The following LEMD1 variants were observed in gnomAD, a reference collection of about 807,000 sequenced individuals.
LEMD1 encodes LEM domain containing 1, also known as LEM domain-containing protein 1.
LEMD1 carries 18 observed loss-of-function variants against 17.4 expected under a neutral mutation model. The ratio of observed to expected loss-of-function variants is 1.04; its 90% CI spans 0.72 to 1.54. The LOEUF (loss-of-function observed/expected upper bound fraction) is 1.54. Among genes scored for constraint, LEMD1 ranks in the 40% most tolerant of loss-of-function variants. LEMD1 has a pLI of 0.00. For missense variants in LEMD1, 195 were observed against 210.4 expected (o/e 0.93, Z 0.45); for synonymous variants, 88 against 77.8 (o/e 1.13, Z -0.69).
At chr1:205,428,422 T>C (rs1003316633) in intron 1 of LEMD1, among the ~76,000 whole-genome samples, 2 of 152,156 alleles carry the variant, frequency 1.3e-5, no homozygotes, top group African/African-American at 4.8e-5. Flanking sequence ...CAACAACTAT[T>C]TCCTGAACCC....
At chr1:205,395,158 T>C (rs186075624) in intron 4 of LEMD1, among the ~76,000 whole-genome samples, 2 of 152,176 alleles carry the variant, frequency 1.3e-5, no homozygotes, top group African/African-American at 4.8e-5. Flanking sequence ...TGCAGTTGGA[T>C]CTGAAATAGG....
At chr1:205,410,071 C>T (rs1248466600) in intron 4 of LEMD1, among the ~76,000 whole-genome samples, 1 of 151,746 alleles carries the variant, frequency 6.6e-6, no homozygotes, top group South Asian at 2.1e-4. Flanking sequence ...CCACCGTGCC[C>T]AGCCCCCAGT....
chr1:205,420,421 C>T (rs567865869), intron 2 of LEMD1, 34 bp downstream of exon 2: 12 of 1,492,012 alleles, frequency 8.0e-6, no homozygotes, highest in Middle Eastern at 1.7e-4. Context: ...CCATAAATGA[C>T]AAGTCTGTAA....
chr1:205,401,435 C>A (rs1664847508), intron 4 of LEMD1, among the ~76,000 whole-genome samples: 1 of 149,002 alleles, frequency 6.7e-6, no homozygotes, highest in South Asian at 2.1e-4. Flanking sequence ...ATTTGCATTT[C>A]TCTGATGGCC....
chr1:205,428,602 A>G (rs1300701257), intron 1 of LEMD1, among the ~76,000 whole-genome samples: 4 of 152,196 alleles, frequency 2.6e-5, no homozygotes, highest in Non-Finnish European at 4.4e-5. Context: ...CTGATGTGAC[A>G]GGGAAAGGCT....
rs1230583287 is a variant in LEMD1 at position 205,441,749 on chromosome 1, T to C, written c.-39+8119A>G. Among the ~76,000 whole-genome samples the C allele has an allele frequency of 1.3e-5, 2 of 152,196 alleles. No homozygotes were observed. Among genetic ancestry groups the C allele is most frequent in the Non-Finnish European group, 2.9e-5 (2 of 68,036 alleles). On this transcript the variant is annotated intron_variant, in intron 1 of 3. Transcript: ENST00000367154. This position sits in a 1 kb window ranked among gnomAD's most constrained non-coding sequence, Gnocchi z 4.3. ...AACAGGCTCTTTTATTTAGCACCTA[T>C]GCTGGGCAAAGGGTTGAGAGGTAGA...
chr1:205,383,342 A>T (rs549564204), intron 5 of LEMD1, among the ~76,000 whole-genome samples: 11 of 152,178 alleles, frequency 7.2e-5, no homozygotes, highest in African/African-American at 2.6e-4. Flanking sequence ...TGATCCTCCT[A>T]CCTCAGCCTC....
chr1:205,392,108 C>G (rs1001331514), intron 4 of LEMD1, among the ~76,000 whole-genome samples: 1 of 151,806 alleles, frequency 6.6e-6, no homozygotes, highest in Non-Finnish European at 1.5e-5. Flanking sequence ...GAGACTCTGT[C>G]TCAAGAAAAA....
chr1:205,391,450 C>T (rs974035523), intron 4 of LEMD1, among the ~76,000 whole-genome samples: 1 of 151,904 alleles, frequency 6.6e-6, no homozygotes, highest in Non-Finnish European at 1.5e-5. Context: ...AAAAAAAGCT[C>T]CCGGAAAAGC....
intron 1 of LEMD1, among the ~76,000 whole-genome samples, chr1:205,438,790 T>G (rs1046437417): frequency 2.0e-5 from 3 of 151,936 alleles, no homozygotes; most frequent in African/African-American, 4.8e-5. Context: ...GCTCAAGATA[T>G]CTAGTATCCC....
At chr1:205,423,442 G>A (rs1040701859), upstream of LEMD1, among the ~76,000 whole-genome samples, 1 of 152,202 alleles carries the variant, frequency 6.6e-6, no homozygotes, top group Non-Finnish European at 1.5e-5. Flanking sequence ...CAGCCAGCAG[G>A]TGGAACTGCT....
chr1:205,446,933 G>A (rs900882000), intron 1 of LEMD1, among the ~76,000 whole-genome samples: 29 of 152,124 alleles, frequency 1.9e-4, no homozygotes, highest in African/African-American at 6.0e-4. Flanking sequence ...TGATCCCCCC[G>A]CTCCCCCCGA....
At chr1:205,389,037 C>CTTTTTTTTTTTTTTTT in intron 4 of LEMD1, among the ~76,000 whole-genome samples, 1 of 77,828 alleles carries the variant, frequency 1.3e-5, no homozygotes, top group African/African-American at 4.8e-5. Flanking sequence ...CATTTGCTTT[C>CTTTTTTTTTTTTTTTT]TTTTTTTTTT....
rs140782447 is a variant in LEMD1 at position 205,399,665 on chromosome 1, A to G, written c.271-15301T>C. On this transcript the variant is annotated intron_variant, in intron 4 of 5. Coordinates refer to ENST00000367153, the MANE Select transcript of LEMD1 (RefSeq NM_001199050.2). ...GCTCAAATAATGATGAGGACATGTCAAAGGACACAGTATCTATCTTGAAGG... is the reference window on the plus strand; with the variant it reads ...GCTCAAATAATGATGAGGACATGTCGAAGGACACAGTATCTATCTTGAAGG... Among the ~76,000 whole-genome samples the G allele has an allele frequency of 1.9e-3, 297 of 152,374 alleles. 1 individual carries two copies. The highest frequency in any genetic ancestry group is 6.7e-3 in the African/African-American group (279 of 41,588).
At chr1:205,426,819 T>C (rs190990487), upstream of LEMD1, among the ~76,000 whole-genome samples, 58 of 152,138 alleles carry the variant, frequency 3.8e-4, no homozygotes, top group African/African-American at 1.3e-3. Flanking sequence ...CCTGGAGGCC[T>C]CTAAAGAAGG....
chr1:205,389,783 C>A (rs564842638), intron 4 of LEMD1, among the ~76,000 whole-genome samples: 1 of 152,302 alleles, frequency 6.6e-6, no homozygotes, highest in South Asian at 2.1e-4. Flanking sequence ...AAAAGAAAAA[C>A]TTCCTTTTGA....
chr1:205,447,729 A>C (rs1030596008), intron 1 of LEMD1, among the ~76,000 whole-genome samples: 1 of 143,760 alleles, frequency 7.0e-6, no homozygotes, highest in Non-Finnish European at 1.5e-5. Flanking sequence ...GGAGCCAGGG[A>C]CCCTGGAGTC....
At chr1:205,381,948 G>A (rs1373623592) in intron 5 of LEMD1, 92 bp from the exon 6 acceptor site, 1 of 1,240,152 alleles carries the variant, frequency 8.1e-7, no homozygotes, top group Non-Finnish European at 1.2e-6. Context: ...GCCCAAGGGT[G>A]CAGTCATGGT....
chr1:205,416,206 T>A (rs1665686686), intron 4 of LEMD1, 26 bp downstream of exon 4: 1 of 1,435,188 alleles, frequency 7.0e-7, no homozygotes, highest in Admixed American at 2.0e-5. Flanking sequence ...TGGGTATAAG[T>A]ATTCAGGCAT....
Sources: gnomAD v4.1 joint callset for allele counts (sites outside exome capture counted in the v4.1 genomes callset) on GRCh38, gnomAD v4.1.1 for gene constraint, Gnocchi (gnomAD v3.1) non-coding constraint, MANE v1.5 for transcripts, NCBI Gene and HGNC (gene_info 2026-07-23, HGNC 2026-07-21) for gene names.